Variants in FAM186A observed in about 807,000 individuals in gnomAD.
The protein encoded by FAM186A is protein FAM186A.
A neutral mutation model predicts 216.8 loss-of-function variants in FAM186A; 163 were observed. That is an observed-to-expected ratio of 0.75 (90% CI 0.66 to 0.86). The LOEUF (loss-of-function observed/expected upper bound fraction) is 0.86, where lower values mean the gene tolerates loss of function less well. Ranked by LOEUF, FAM186A falls within the 40% of genes least tolerant of loss-of-function variation. FAM186A has a pLI of 0.00. For missense variants in FAM186A, 2,184 were observed against 2,746.2 expected (o/e 0.80, Z 4.58); for synonymous variants, 805 against 1,025.3 (o/e 0.79, Z 4.10).
chr12:50,360,686 A>T, intron 3 of FAM186A, 70 bp downstream of exon 3: 1 of 1,395,532 alleles, frequency 7.2e-7, no homozygotes, highest in Non-Finnish European at 9.5e-7. Flanking sequence ...CTGAAAAAAA[A>T]AAAAGTTGTT....
chr12:50,395,887 G>T (rs1257553966), intron 1 of FAM186A, among the ~76,000 whole-genome samples: 1 of 152,060 alleles, frequency 6.6e-6, no homozygotes, highest in East Asian at 1.9e-4. Context: ...TCAGCCTCCT[G>T]AGTAGCTGGG....
intron 3 of FAM186A, 52 bp downstream of exon 3, chr12:50,360,704 G>A: frequency 1.4e-6 from 2 of 1,410,040 alleles, no homozygotes; most frequent in Non-Finnish European, 9.3e-7. Context: ...GTTTCTCTAA[G>A]AAAAAGTCAA....
chr12:50,355,539 G>A lies in FAM186A; in HGVS notation c.1293C>T (p.Ser431=), dbSNP rs746062501. The A allele has an allele frequency of 9.5e-5, 148 of 1,551,244 alleles. 1 individual carries two copies. Among genetic ancestry groups the A allele is most frequent in the African/African-American group, 1.8e-4 (13 of 72,944 alleles). The stretch of plus-strand genomic sequence containing the variant: ...ATACGTTATCTTTAGTGCTGTCTTC[G>A]GAAATATCTTCAGAAGCAACAGGTT... ...RQQPVASEDI[S]EDSTKDNVSL... The change falls in exon 4 of 8, where the codon TCC becomes TCT. Residue 431 remains serine, a synonymous_variant. Coordinates refer to ENST00000327337, the MANE Select transcript of FAM186A (RefSeq NM_001145475.3).
At position 50,331,730 on chromosome 12, in the gene FAM186A, T is replaced by G; in HGVS notation, c.6788A>C (p.Lys2263Thr). The G allele has an allele frequency of 6.5e-7, 1 of 1,549,888 alleles. No homozygotes were observed. Among genetic ancestry groups the G allele is most frequent in the Non-Finnish European group, 8.7e-7 (1 of 1,146,686 alleles). Reference sequence around the variant, plus strand: ...TTCCATTAGTAATTTTAAGAATGGCTTTTGAACAAATGTGGTAGAGGCAGG... The same window carrying G: ...TTCCATTAGTAATTTTAAGAATGGCGTTTGAACAAATGTGGTAGAGGCAGG... ...QIPASTTFVQ[K>T]PFLKLLMEED... The change falls in exon 6 of 8, where the codon AAG becomes ACG. Residue 2263 changes from lysine to threonine, a missense_variant. By Grantham distance (78) the Lys-to-Thr change is moderately conservative. This residue lies in a region of FAM186A where 721 missense variants were observed against 816.4 expected (regional missense o/e 0.88). Coordinates refer to ENST00000327337, the MANE Select transcript of FAM186A (RefSeq NM_001145475.3).
At position 50,395,870 on chromosome 12, in the gene FAM186A, T is replaced by C. The variant is rs191160601; in HGVS notation, c.192+423A>G. ...TCCACCTCCCTGGTTCAAGCAATTC[T>C]CCTACCTCAGCCTCCTGAGTAGCTG... On this transcript the variant is annotated intron_variant, in intron 1 of 7. Coordinates refer to ENST00000327337, the MANE Select transcript of FAM186A (RefSeq NM_001145475.3). Among the ~76,000 whole-genome samples the C allele has an allele frequency of 8.4e-4, 128 of 152,222 alleles. 1 individual carries two copies. The highest frequency in any genetic ancestry group is 2.0e-3 in the Admixed American group (30 of 15,270).
At chr12:50,385,038 C>A (rs762280850) in intron 1 of FAM186A, among the ~76,000 whole-genome samples, 9 of 151,890 alleles carry the variant, frequency 5.9e-5, no homozygotes, top group Non-Finnish European at 1.0e-4. Flanking sequence ...CTCCTGACCT[C>A]AGGTGATCCA....
rs200690763 is a variant in FAM186A at position 50,390,992 on chromosome 12, C to CT, written c.192+5300dup. On this transcript the variant is annotated intron_variant, in intron 1 of 7. Coordinates refer to ENST00000327337, the MANE Select transcript of FAM186A (RefSeq NM_001145475.3). ...GCCATGAGCTACCATGCCCTACCTC[C>CT]TTTTTTTTGTTTTTGAGATGGAGTC... 9.0e-3 allele frequency among the ~76,000 whole-genome samples: 1,363 copies of CT among 150,756 alleles called. 18 individuals are homozygous for CT. Among genetic ancestry groups the CT allele is most frequent in the African/African-American group, 0.031 (1,271 of 41,084 alleles).
chr12:50,352,689 C>G lies in FAM186A; in HGVS notation c.4143G>C (p.Gln1381His), dbSNP rs1462786282. 13 of 1,521,948 alleles carry G rather than the reference C, an allele frequency of 8.5e-6. No individual in the cohort carries two copies. The African/African-American group carries it at 1.4e-4, about 17-fold the overall frequency. The allele number at this position is 1,521,948 out of a possible 1,614,324, so 94.3% of individuals were successfully genotyped here. Residue 1381 changes from glutamine to histidine, a missense_variant, in exon 4 of 8, where the codon CAG (glutamine) becomes CAC (histidine). Gln to His is a conservative substitution (Grantham distance 24, BLOSUM62 0). Coordinates refer to ENST00000327337, the MANE Select transcript of FAM186A (RefSeq NM_001145475.3). ...LGMPLTTQQA[Q>H]ELGIPLTPQQ... ...GAGGGGTGAGAGGGATCCCCAGTTC[C>G]TGAGCCTGCTGAGTGGTGAGAGGCA... is the stretch of plus-strand genomic sequence containing the variant.
intron 1 of FAM186A, among the ~76,000 whole-genome samples, chr12:50,375,492 C>A (rs968452799): frequency 2.0e-5 from 3 of 148,678 alleles, no homozygotes; most frequent in Non-Finnish European, 1.5e-5. Context: ...GAGGTTGCAG[C>A]GAGCCGAGAT....
At position 50,351,748 on chromosome 12, in the gene FAM186A, T is replaced by C; in HGVS notation, c.5084A>G (p.Lys1695Arg). The stretch of plus-strand genomic sequence containing the variant: ...GAGGGGCGATCCCAAGGTATGGGCT[T>C]TATCTAAGGTGAGAGGAACCCCTAA... The part of the protein sequence containing the change: ...LKLGVPLTLD[K>R]AHTLGSPLTL... Residue 1695 changes from lysine to arginine, a missense_variant, in exon 4 of 8, where the codon AAA becomes AGA. Physicochemically the swap from Lys to Arg is conservative, Grantham distance 26. This residue lies in a region of FAM186A where 721 missense variants were observed against 816.4 expected (regional missense o/e 0.88). Coordinates refer to ENST00000327337, the MANE Select transcript of FAM186A (RefSeq NM_001145475.3). 1 of 1,551,406 alleles carries C rather than the reference T, an allele frequency of 6.4e-7. No individual in the cohort carries two copies. Among genetic ancestry groups the C allele is most frequent in the Non-Finnish European group, 8.7e-7 (1 of 1,146,822 alleles).
At chr12:50,334,716 G>A (rs1231009020) in intron 4 of FAM186A, among the ~76,000 whole-genome samples, 1 of 151,984 alleles carries the variant, frequency 6.6e-6, no homozygotes, top group Admixed American at 6.6e-5. Context: ...GACCTCAAGC[G>A]ATCCTCCTGC....
intron 3 of FAM186A, 140 bp from the exon 4 acceptor site, chr12:50,356,388 G>A: frequency 3.1e-6 from 2 of 639,954 alleles, no homozygotes; most frequent in Non-Finnish European, 4.9e-6. Flanking sequence ...GAAAACTTTA[G>A]CTCTAAAATA....
chr12:50,394,799 G>T (rs1378704888), intron 1 of FAM186A, among the ~76,000 whole-genome samples: 1 of 130,954 alleles, frequency 7.6e-6, no homozygotes, highest in African/African-American at 2.9e-5. Context: ...GGAATGTAGT[G>T]GCACAATCTA....
At chr12:50,328,785 G>A (rs904729469) in intron 7 of FAM186A, among the ~76,000 whole-genome samples, 1 of 152,052 alleles carries the variant, frequency 6.6e-6, no homozygotes. Flanking sequence ...CTGGATTACA[G>A]GCATGAGCCA....
At chr12:50,339,940 C>T (rs1005777760) in intron 4 of FAM186A, among the ~76,000 whole-genome samples, 48 of 152,218 alleles carry the variant, frequency 3.2e-4, no homozygotes, top group Admixed American at 2.7e-3. Context: ...TGGGTTCAAG[C>T]GATTCTCCTG....
chr12:50,350,981 C>A lies in FAM186A; in HGVS notation c.5851G>T (p.Val1951Phe). The A allele has an allele frequency of 6.4e-7, 1 of 1,551,504 alleles. No homozygotes were observed. The highest frequency in any genetic ancestry group is 8.7e-7 in the Non-Finnish European group (1 of 1,146,946). ...ATAATTGCCAATCTTTTCTTAGCAA[C>A]AGAAGGGGACCAACTTTTCTGGGGC... Reference protein sequence around the residue: ...GKPQKSWSPSVAKKRLAIISS... With the variant: ...GKPQKSWSPSFAKKRLAIISS... Residue 1951 changes from valine (V) to phenylalanine (F), a missense_variant, in exon 4 of 8, where the codon GTT becomes TTT. Val to Phe is a conservative substitution (Grantham distance 50). Transcript: ENST00000327337.
intron 1 of FAM186A, among the ~76,000 whole-genome samples, chr12:50,368,128 GAGA>G (rs1468975518): frequency 1.3e-5 from 2 of 151,706 alleles, no homozygotes; most frequent in African/African-American, 4.8e-5. Flanking sequence ...CTGGGTAACA[GAGA>G]GCGACTCTGT....
At chr12:50,389,260 G>A (rs1943334467) in intron 1 of FAM186A, among the ~76,000 whole-genome samples, 1 of 152,020 alleles carries the variant, frequency 6.6e-6, no homozygotes. Context: ...CAGCACTTTG[G>A]GAGGCCGAGG....
chr12:50,347,145 G>A (rs879860124), intron 4 of FAM186A, among the ~76,000 whole-genome samples: 1 of 152,032 alleles, frequency 6.6e-6, no homozygotes, highest in South Asian at 2.1e-4. Context: ...CTCATACTAC[G>A]AATCCATCAT....
Sources: allele counts gnomAD v4.1 joint callset (sites outside exome capture counted in the v4.1 genomes callset), GRCh38; gene constraint gnomAD v4.1.1; regional missense constraint gnomAD v4.1.1; transcripts MANE v1.5; gene names NCBI Gene and HGNC (gene_info 2026-07-23, HGNC 2026-07-21).